SARNP: variants seen among roughly 807,000 people sequenced by gnomAD.
The protein encoded by SARNP is SAP domain containing ribonucleoprotein, also known as SAP domain-containing ribonucleoprotein.
In SARNP, 5 loss-of-function variants were observed where a neutral mutation model predicts 38.1. The observed-to-expected ratio is 0.13, with a 90% CI of 0.07 to 0.28. The LOEUF (loss-of-function observed/expected upper bound fraction) is 0.28, where lower values mean the gene tolerates loss of function less well. SARNP is among the 10% of genes least tolerant of loss of function. The pLI is 1.00. For synonymous variants in SARNP, 84 were observed against 80.6 expected (o/e 1.04, Z -0.23); for missense variants, 180 against 243.9 (o/e 0.74, Z 1.75).
intron 4 of SARNP, 144 bp downstream of exon 4, chr12:55,800,418 T>C (rs1048010626): frequency 1.7e-6 from 1 of 574,350 alleles, no homozygotes; most frequent in Admixed American, 3.4e-5. Flanking sequence ...TTTGAAGTAG[T>C]CCCTTCTAAA....
Position 55,794,819 on chromosome 12 carries a change from G to A in SARNP, c.365C>T (p.Ala122Val), listed in dbSNP as rs1565679652. Reference protein sequence around the residue: ...VPVSLESKKAARAARFGISSV... With the variant: ...VPVSLESKKAVRAARFGISSV... ...TGGGGACACTCACCTAGCTGCCCGA[G>A]CAGCTTTCTTACTCTCCAAGCTCAC... The change falls in exon 6 of 11, where the codon GCT becomes GTT. Residue 122 changes from alanine (A) to valine (V), a missense_variant. This residue lies in a region of SARNP where 161 missense variants were observed against 194.1 expected (regional missense o/e 0.83). Transcript: ENST00000336133. 3 of 1,609,976 alleles carry A rather than the reference G, an allele frequency of 1.9e-6. No homozygotes were observed. The highest frequency in any genetic ancestry group is 4.5e-5 in the East Asian group (2 of 44,818).
intron 9 of SARNP, among the ~76,000 whole-genome samples, chr12:55,785,550 G>A (rs561792228): frequency 2.7e-5 from 4 of 149,214 alleles, no homozygotes; most frequent in African/African-American, 1.0e-4. Flanking sequence ...AGCACTTTGG[G>A]AGGCCAAAGT....
At chr12:55,791,919 A>T (rs974192864) in intron 7 of SARNP, among the ~76,000 whole-genome samples, 8 of 152,140 alleles carry the variant, frequency 5.3e-5, no homozygotes, top group African/African-American at 1.9e-4. Flanking sequence ...TAACACTGAA[A>T]CTGTATTTTT....
At chr12:55,809,739 G>A (rs1423402881) in intron 1 of SARNP, among the ~76,000 whole-genome samples, 8 of 112,486 alleles carry the variant, frequency 7.1e-5, no homozygotes, top group Non-Finnish European at 1.5e-4. Context: ...GGGAGACCCT[G>A]TCTCAAAAAA....
intron 9 of SARNP, among the ~76,000 whole-genome samples, chr12:55,775,165 G>A (rs1879138376): frequency 6.7e-6 from 1 of 150,054 alleles, no homozygotes; most frequent in South Asian, 2.1e-4. Context: ...GGGATTACAG[G>A]TGCGAGCCAC....
rs929195559 is a variant in SARNP, at chr12:55,803,557, AAAG to A, written c.136+69_136+71del. On this transcript the variant is annotated intron_variant, in intron 2 of 10. Transcript: ENST00000336133. The stretch of plus-strand genomic sequence containing the variant: ...CATTGCTAATGACCTGAAAAAAAAA[AAAG>A]AAATCTTTTCAGTGTCAAAGCCTGA... 7 of 950,844 alleles carry A rather than the reference AAAG, an allele frequency of 7.4e-6. No individual in the cohort carries two copies. In the African/African-American group the frequency reaches 8.3e-5, roughly 11 times the overall value. The allele number at this position is 950,844 out of a possible 1,614,324, so 58.9% of individuals were successfully genotyped here. A position where few individuals can be genotyped will look rare whatever the true frequency, so the allele number is the denominator to read the frequency against.
intron 1 of SARNP, among the ~76,000 whole-genome samples, chr12:55,814,567 C>T (rs1880425987): frequency 6.6e-6 from 1 of 152,106 alleles, no homozygotes; most frequent in Non-Finnish European, 1.5e-5. Context: ...TTCAATCTCT[C>T]TTTCCAAATG....
intron 1 of SARNP, among the ~76,000 whole-genome samples, chr12:55,817,338 G>A (rs867922316): frequency 6.6e-6 from 1 of 152,224 alleles, no homozygotes; most frequent in Non-Finnish European, 1.5e-5. Flanking sequence ...GGGCAAAAAG[G>A]AGGGACCAAC....
chr12:55,753,245 T>TATGGAA (rs1364381828), downstream of SARNP: 1 of 152,242 alleles, frequency 6.6e-6, no homozygotes, highest in African/African-American at 2.4e-5. Flanking sequence ...ATCCAGCTAG[T>TATGGAA]GTCCTATTCT....
chr12:55,817,517 G>T, intron 1 of SARNP, 149 bp downstream of exon 1: 1 of 680,124 alleles, frequency 1.5e-6, no homozygotes, highest in Non-Finnish European at 2.6e-6. Flanking sequence ...AAGGCGTAGT[G>T]TGGAAGGGTG....
chr12:55,797,036 C>T (rs1051979066), intron 4 of SARNP, among the ~76,000 whole-genome samples: 9 of 152,144 alleles, frequency 5.9e-5, no homozygotes, highest in African/African-American at 2.2e-4. Flanking sequence ...AATGGAAGGG[C>T]ATTAACCCTC....
At chr12:55,814,168 C>T (rs1263302186) in intron 1 of SARNP, among the ~76,000 whole-genome samples, 2 of 152,126 alleles carry the variant, frequency 1.3e-5, no homozygotes, top group Non-Finnish European at 2.9e-5. Flanking sequence ...GGGAATGACT[C>T]CTATAATAAA....
chr12:55,777,113 G>GT (rs1879203943), intron 9 of SARNP, among the ~76,000 whole-genome samples: 1 of 152,146 alleles, frequency 6.6e-6, no homozygotes, highest in African/African-American at 2.4e-5. Context: ...ATAGAAAAGA[G>GT]TTTTTTCTTA....
chr12:55,795,732 T>C (rs1879800660), intron 5 of SARNP, among the ~76,000 whole-genome samples: 1 of 152,150 alleles, frequency 6.6e-6, no homozygotes, highest in Admixed American at 6.5e-5. Context: ...TACCAATACA[T>C]TTTCAAGGTA....
At chr12:55,779,095 C>T (rs898035592) in intron 9 of SARNP, among the ~76,000 whole-genome samples, 1 of 152,202 alleles carries the variant, frequency 6.6e-6, no homozygotes, top group African/African-American at 2.4e-5. Context: ...TGAGTTTTAG[C>T]TTTTCCTGAA....
chr12:55,778,205 GGCATGATCTCAGCTT>G (rs1398005993), intron 9 of SARNP, among the ~76,000 whole-genome samples: 28 of 152,052 alleles, frequency 1.8e-4, no homozygotes, highest in African/African-American at 6.5e-4. Flanking sequence ...GGAGTGCAGT[GGCATGATCTCAGCTT>G]ACTGAGACCT....
intron 9 of SARNP, among the ~76,000 whole-genome samples, chr12:55,784,485 A>G (rs1879431340): frequency 6.6e-6 from 1 of 152,238 alleles, no homozygotes; most frequent in African/African-American, 2.4e-5. Flanking sequence ...AGTTCTAGAA[A>G]AAAAGAATCC....
At chr12:55,789,183 C>A in intron 8 of SARNP, 40 bp from the exon 9 acceptor site, 1 of 1,435,144 alleles carries the variant, frequency 7.0e-7, no homozygotes, top group Non-Finnish European at 9.6e-7. Context: ...TTTAAAAAAT[C>A]AAAACGGAAA....
At chr12:55,760,344 A>G in intron 10 of SARNP, 1 of 540,466 alleles carries the variant, frequency 1.9e-6, no homozygotes, top group Non-Finnish European at 3.2e-6. Context: ...CTACTTAAAT[A>G]AATAAATAAT....
Sources: gnomAD v4.1 joint callset for allele counts (sites outside exome capture counted in the v4.1 genomes callset) on GRCh38, gnomAD v4.1.1 for gene constraint, gnomAD v4.1.1 regional missense constraint, MANE v1.5 for transcripts, NCBI Gene and HGNC (gene_info 2026-07-23, HGNC 2026-07-21) for gene names.